The following DOCK3 variants were observed in gnomAD, a reference collection of about 807,000 sequenced individuals.
The protein encoded by DOCK3 is dedicator of cytokinesis 3.
A neutral mutation model predicts 265.6 loss-of-function variants in DOCK3; 60 were observed. The ratio of observed to expected loss-of-function variants is 0.23; its 90% CI spans 0.18 to 0.28. DOCK3 has a LOEUF of 0.28. Among genes scored for constraint, DOCK3 ranks in the 10% least tolerant of loss-of-function variants. The pLI is 1.00. For synonymous variants in DOCK3, 881 were observed against 938.0 expected (o/e 0.94, Z 1.11); for missense variants, 1,981 against 2,594.3 (o/e 0.76, Z 5.14).
rs544919270 is a variant in DOCK3, at chr3:51,078,966, C to A, written c.549+3526C>A. Among the ~76,000 whole-genome samples, 46 of 152,180 alleles carry A rather than the reference C, an allele frequency of 3.0e-4. No homozygotes were observed. In the South Asian group the frequency reaches 7.9e-3, roughly 26 times the overall value. On this transcript the variant is annotated intron_variant, in intron 7 of 52. Coordinates refer to ENST00000266037, the MANE Select transcript of DOCK3 (RefSeq NM_004947.5). ...TCATACAATTAGATATGATAAAAAA[C>A]AATTATAAGAGTCCACACATTTATT... is the stretch of plus-strand genomic sequence containing the variant.
intron 1 of DOCK3, among the ~76,000 whole-genome samples, chr3:50,718,540 G>A (rs1027808816): frequency 2.6e-5 from 4 of 152,032 alleles, no homozygotes; most frequent in Middle Eastern, 6.8e-3. Context: ...GTTATGTCTT[G>A]TGTTGAGCAT....
rs1389927156 is a variant in DOCK3 at position 50,675,209 on chromosome 3, C to T, written c.-55C>T. The T allele has an allele frequency of 4.8e-5, 53 of 1,093,504 alleles. No homozygotes were observed. The highest frequency in any genetic ancestry group is 5.8e-5 in the Non-Finnish European group (52 of 893,564). The allele number at this position is 1,093,504 out of a possible 1,614,324, so 67.7% of individuals were successfully genotyped here. A position where few individuals can be genotyped will look rare whatever the true frequency, so the allele number is the denominator to read the frequency against. On this transcript the variant is annotated 5_prime_UTR_variant, in exon 1 of 53. Transcript: ENST00000266037. This position sits in a 1 kb window ranked among gnomAD's most constrained non-coding sequence, Gnocchi z 6.1. ...GCGCCACAGCCGGGCCCGCGGCCGT[C>T]CCCGCCGCGTTGTCGCCCGGTCGCC...
chr3:51,277,591 C>T lies in DOCK3; in HGVS notation c.2677-17C>T. ...TGGCTTGCTGCTAATGGTGTGCTCT[C>T]TTGCTGCTCGCTCCAGGAGGCAGAT... On this transcript the variant is annotated splice_polypyrimidine_tract_variant and intron_variant, in intron 25 of 52. Coordinates refer to ENST00000266037, the MANE Select transcript of DOCK3 (RefSeq NM_004947.5). The T allele has an allele frequency of 6.6e-7, 1 of 1,523,786 alleles. No individual in the cohort carries two copies. The highest frequency in any genetic ancestry group is 8.8e-7 in the Non-Finnish European group (1 of 1,135,984). The allele number at this position is 1,523,786 out of a possible 1,614,324, so 94.4% of individuals were successfully genotyped here.
chr3:51,059,939 T>A (rs1044221358), intron 5 of DOCK3, among the ~76,000 whole-genome samples: 3 of 152,134 alleles, frequency 2.0e-5, no homozygotes, highest in Non-Finnish European at 4.4e-5. Context: ...CAAAATTTAG[T>A]TTGAAATTTT....
chr3:50,869,043 C>T (rs1371338518), intron 3 of DOCK3, among the ~76,000 whole-genome samples: 25 of 145,992 alleles, frequency 1.7e-4, no homozygotes, highest in African/African-American at 5.6e-4. Context: ...GGCTTGATCT[C>T]GGCTCACTGC....
intron 9 of DOCK3, among the ~76,000 whole-genome samples, chr3:51,127,043 G>C (rs2084296747): frequency 6.6e-6 from 1 of 152,180 alleles, no homozygotes; most frequent in African/African-American, 2.4e-5. Context: ...AGCAAGGAGA[G>C]CCAGCCCGAG....
intron 4 of DOCK3, among the ~76,000 whole-genome samples, chr3:50,919,324 G>C (rs896357128): frequency 6.6e-6 from 1 of 152,138 alleles, no homozygotes; most frequent in Admixed American, 6.5e-5. Flanking sequence ...GGATAGCATT[G>C]AATCTATAAA....
intron 4 of DOCK3, among the ~76,000 whole-genome samples, chr3:50,916,049 G>T (rs1427398919): frequency 6.6e-6 from 1 of 152,082 alleles, no homozygotes; most frequent in African/African-American, 2.4e-5. Flanking sequence ...TCCAGCCATA[G>T]TTCCACTTCC....
At chr3:50,879,889 C>T (rs1001938382) in intron 3 of DOCK3, among the ~76,000 whole-genome samples, 1 of 152,164 alleles carries the variant, frequency 6.6e-6, no homozygotes, top group African/African-American at 2.4e-5. Context: ...AAGTAAAGCA[C>T]TCCTCAGCAA....
At chr3:51,246,882 T>C in intron 22 of DOCK3, 75 bp downstream of exon 22, 2 of 1,441,110 alleles carry the variant, frequency 1.4e-6, no homozygotes, top group South Asian at 2.4e-5. Context: ...TGATACAATG[T>C]GCAGGACAAA....
At chr3:51,033,627 C>T (rs1164306084) in intron 5 of DOCK3, among the ~76,000 whole-genome samples, 5 of 152,158 alleles carry the variant, frequency 3.3e-5, no homozygotes, top group Non-Finnish European at 5.9e-5. Flanking sequence ...GGAACATTTG[C>T]TCAACTTTAA....
intron 5 of DOCK3, among the ~76,000 whole-genome samples, chr3:51,059,202 T>G (rs1209776348): frequency 6.6e-6 from 1 of 152,170 alleles, no homozygotes; most frequent in Admixed American, 6.5e-5. Context: ...GTTTCTGCAT[T>G]AATTTTCTTA....
At chr3:51,166,021 TTTA>T (rs1022539872) in intron 12 of DOCK3, among the ~76,000 whole-genome samples, 6 of 149,002 alleles carry the variant, frequency 4.0e-5, no homozygotes, top group Non-Finnish European at 7.4e-5. Flanking sequence ...ATATATTATT[TTTA>T]TTCAAAGAAC....
intron 2 of DOCK3, chr3:50,787,808 C>G (rs1315659770): frequency 7.2e-6 from 8 of 1,117,086 alleles, no homozygotes; most frequent in Non-Finnish European, 6.7e-6. Flanking sequence ...TCTGTGGCCC[C>G]TTCCTCTCTC....
chr3:51,312,860 G>C lies in DOCK3; in HGVS notation c.3211G>C (p.Val1071Leu), dbSNP rs1480029713. 2.5e-6 allele frequency: 4 copies of C among 1,610,764 alleles called. No homozygotes were observed. Among genetic ancestry groups the C allele is most frequent in the Non-Finnish European group, 3.4e-6 (4 of 1,178,576 alleles). Residue 1071 changes from valine to leucine, a missense_variant, in exon 31 of 53, where the codon GTA (valine) becomes CTA (leucine). Around this residue, in one of 4 missense-constraint regions of DOCK3, gnomAD observed 1,357 missense variants for 1,866.8 expected, o/e 0.73. Coordinates refer to ENST00000266037, the MANE Select transcript of DOCK3 (RefSeq NM_004947.5). ...TATTCTTAGGTATGGGGACATGCGTGTAATGATGGCCTATGAACTGTTCAG... is the reference window on the plus strand; with the variant it reads ...TATTCTTAGGTATGGGGACATGCGTCTAATGATGGCCTATGAACTGTTCAG... ...KILDKYGDMR[V>L]MMAYELFSMW...
chr3:51,229,671 T>G, intron 19 of DOCK3, 62 bp downstream of exon 19: 1 of 1,270,984 alleles, frequency 7.9e-7, no homozygotes, highest in Non-Finnish European at 1.0e-6. Flanking sequence ...AAGACCTTAC[T>G]TTGTCATGAT....
At chr3:51,007,406 G>C (rs984523271) in intron 5 of DOCK3, among the ~76,000 whole-genome samples, 1 of 152,166 alleles carries the variant, frequency 6.6e-6, no homozygotes, top group African/African-American at 2.4e-5. Context: ...GTGTCTGTTG[G>C]CTGCATAAAT....
At chr3:50,917,312 G>A (rs1420969006) in intron 4 of DOCK3, among the ~76,000 whole-genome samples, 2 of 152,020 alleles carry the variant, frequency 1.3e-5, no homozygotes, top group African/African-American at 4.8e-5. Flanking sequence ...GCTATCTTTA[G>A]ATAATGGGTT....
At chr3:51,165,752 AT>A (rs2086369984) in intron 12 of DOCK3, among the ~76,000 whole-genome samples, 1 of 152,180 alleles carries the variant, frequency 6.6e-6, no homozygotes. Context: ...AGGCTTGTCC[AT>A]GTTGTCACAA....
Sources: allele counts gnomAD v4.1 joint callset (sites outside exome capture counted in the v4.1 genomes callset), GRCh38; gene constraint gnomAD v4.1.1; regional missense constraint gnomAD v4.1.1; non-coding constraint Gnocchi (gnomAD v3.1); transcripts MANE v1.5; gene names NCBI Gene and HGNC (gene_info 2026-07-23, HGNC 2026-07-21).